The following ZNF839 variants were observed in gnomAD, a reference collection of about 807,000 sequenced individuals.
The protein encoded by ZNF839 is renal carcinoma antigen NY-REN-50.
In ZNF839, 38 loss-of-function variants were observed where a neutral mutation model predicts 56.4. The ratio of observed to expected loss-of-function variants is 0.67; its 90% CI spans 0.52 to 0.88. The LOEUF is 0.88. Ranked by LOEUF, ZNF839 falls within the 40% of genes least tolerant of loss-of-function variation. The probability of loss-of-function intolerance (pLI) is 0.00; values close to 1 mark genes in which losing one functional copy is unlikely to be tolerated. For missense variants in ZNF839, 1,091 were observed against 1,177.6 expected (o/e 0.93, Z 1.08); for synonymous variants, 486 against 493.5 (o/e 0.98, Z 0.20).
chr14:102,319,677 G>A, upstream of ZNF839: 1 of 1,210,748 alleles, frequency 8.3e-7, no homozygotes, highest in Non-Finnish European at 1.0e-6. This position sits in a 1 kb window ranked among gnomAD's most constrained non-coding sequence, Gnocchi z 4.5. Flanking sequence ...TGGCCTGCGA[G>A]GCACTCGTAG....
At chr14:102,321,520 A>T (rs556277254) in intron 1 of ZNF839, among the ~76,000 whole-genome samples, 1 of 152,354 alleles carries the variant, frequency 6.6e-6, no homozygotes, top group East Asian at 1.9e-4. Context: ...AATGGAGACG[A>T]TATAAATTCT....
In ZNF839 at chr14:102,331,793, C is replaced by A; in HGVS notation, c.1363C>A (p.Pro455Thr). The change falls in exon 3 of 8, where the codon CCT becomes ACT. Residue 455 changes from proline (P) to threonine (T), a missense_variant. Pro to Thr is a conservative substitution (Grantham distance 38). Transcript: ENST00000442396. ...QRRAAQLPGGPAAAGEQRASP... is the reference protein window; with the variant it reads ...QRRAAQLPGGTAAAGEQRASP... ...AAGAGCTGCTCAGCTACCTGGTGGC[C>A]CTGCTGCGGCAGGGGAGCAGAGGGC... is the stretch of plus-strand genomic sequence containing the variant. The A allele has an allele frequency of 6.3e-7, 1 of 1,594,456 alleles. No homozygotes were observed.
chr14:102,338,694 C>T, intron 5 of ZNF839, 122 bp from the exon 6 acceptor site: 1 of 1,365,004 alleles, frequency 7.3e-7, no homozygotes, highest in South Asian at 1.4e-5. Flanking sequence ...TGGCATCTCA[C>T]AGTAGGTGAG....
chr14:102,338,647 A>G (rs562948803), intron 5 of ZNF839, among the ~76,000 whole-genome samples, 169 bp from the exon 6 acceptor site: 8 of 151,994 alleles, frequency 5.3e-5, no homozygotes, highest in African/African-American at 1.9e-4. Flanking sequence ...TAGTCCATCT[A>G]ACATTATATT....
In ZNF839 at chr14:102,332,314, T is replaced by C. The variant is rs896009748; in HGVS notation, c.1416+468T>C. 6.6e-6 allele frequency among the ~76,000 whole-genome samples: 1 copy of C among 151,950 alleles called. No individual in the cohort carries two copies. Among genetic ancestry groups the C allele is most frequent in the Non-Finnish European group, 1.5e-5 (1 of 67,990 alleles). On this transcript the variant is annotated intron_variant, in intron 3 of 7. Coordinates refer to ENST00000442396, the MANE Select transcript of ZNF839 (RefSeq NM_018335.6). The surrounding 1 kb of genome is among the most constrained non-coding windows in gnomAD (Gnocchi z 4.9). ...CACACCCAGCTAATTTTTGTATTTT[T>C]AGTAGAAATAGGGTCTCACCTTGTT...
rs767660489 is a variant in ZNF839 at position 102,342,168 on chromosome 14, TG to T, written c.2776del (p.Ala926ProfsTer?). 7.5e-6 allele frequency: 12 copies of T among 1,606,410 alleles called. No homozygotes were observed. Among genetic ancestry groups the T allele is most frequent in the African/African-American group, 1.3e-5 (1 of 74,758 alleles). On this transcript the variant is annotated frameshift_variant, in exon 8 of 8. Transcript: ENST00000442396. LOFTEE classifies it high-confidence loss of function. Reference protein sequence around the residue: ...VTDAEGRACGWAR With the variant: ...VTDAEGRACGXAR ...TGATGCAGAGGGGCGTGCCTGCGGA[TG>T]GGCCCGCTAGAAGGAGTTCCTCTAG...
chr14:102,319,613 G>A (rs1238308980), upstream of ZNF839: 2 of 1,121,272 alleles, frequency 1.8e-6, no homozygotes, highest in East Asian at 3.4e-5. The surrounding 1 kb of genome is among the most constrained non-coding windows in gnomAD (Gnocchi z 4.5). Context: ...TGTCGGCTGG[G>A]GCGGGGCACT....
intron 7 of ZNF839, chr14:102,341,064 A>C: frequency 5.2e-6 from 1 of 191,528 alleles, no homozygotes; most frequent in Non-Finnish European, 8.9e-6. Context: ...GCGAGACTCC[A>C]TCTCAAAAAA....
At chr14:102,321,131 A>G (rs751067839) in intron 1 of ZNF839, among the ~76,000 whole-genome samples, 27 of 152,210 alleles carry the variant, frequency 1.8e-4, no homozygotes, top group Non-Finnish European at 1.8e-4. Context: ...CACTATCACT[A>G]TCTAGAGGTG....
At chr14:102,321,357 C>T (rs930501815) in intron 1 of ZNF839, among the ~76,000 whole-genome samples, 2 of 152,206 alleles carry the variant, frequency 1.3e-5, no homozygotes, top group Admixed American at 1.3e-4. Context: ...GGTGTGGCTG[C>T]TCTCCCTAGC....
intron 2 of ZNF839, among the ~76,000 whole-genome samples, chr14:102,327,977 C>G (rs925505265): frequency 4.6e-5 from 7 of 152,088 alleles, no homozygotes; most frequent in African/African-American, 1.4e-4. Context: ...GTCCTCTCCC[C>G]CTTCTGCTGC....
At chr14:102,330,327 G>A (rs1399213304) in intron 2 of ZNF839, among the ~76,000 whole-genome samples, 6 of 151,706 alleles carry the variant, frequency 4.0e-5, no homozygotes, top group Non-Finnish European at 7.4e-5. Flanking sequence ...CTGCCTCCTG[G>A]GTTCAAGGGA....
intron 5 of ZNF839, 133 bp downstream of exon 5, chr14:102,335,971 G>C (rs1261431992): frequency 2.9e-6 from 3 of 1,034,492 alleles, no homozygotes; most frequent in Admixed American, 5.5e-5. Flanking sequence ...TTGAGGTCAG[G>C]AGTTTGAGAC....
chr14:102,331,412 C>T (rs1213540991), intron 2 of ZNF839: 1 of 509,360 alleles, frequency 2.0e-6, no homozygotes, highest in East Asian at 3.5e-5. Flanking sequence ...CCGCGCCTGG[C>T]TAATTTTTTG....
chr14:102,329,408 T>G (rs1026207284), intron 2 of ZNF839, among the ~76,000 whole-genome samples: 1 of 152,108 alleles, frequency 6.6e-6, no homozygotes, highest in Non-Finnish European at 1.5e-5. Context: ...ATTTATTTTT[T>G]CAGTCTGACT....
At chr14:102,318,961 C>T (rs552881374), upstream of ZNF839, among the ~76,000 whole-genome samples, 62 of 152,318 alleles carry the variant, frequency 4.1e-4, no homozygotes, top group African/African-American at 1.2e-3. Flanking sequence ...GGACCTCCTG[C>T]TCTCCCTGGG....
Position 102,335,853 on chromosome 14 carries a change from T to C in ZNF839, c.1659+15T>C. On this transcript the variant is annotated intron_variant, in intron 5 of 7. Transcript: ENST00000442396. ...ACAATGATAAGGTAACAATCTCCCA[T>C]GGCAGAAAGAGTTTTGCTCATAGAG... The C allele has an allele frequency of 6.2e-7, 1 of 1,608,268 alleles. No individual in the cohort carries two copies. Among genetic ancestry groups the C allele is most frequent in the African/African-American group, 1.3e-5 (1 of 74,924 alleles).
At chr14:102,334,879 A>T (rs2073947473) in intron 4 of ZNF839, 2 of 202,692 alleles carry the variant, frequency 9.9e-6, no homozygotes, top group East Asian at 2.2e-4. Context: ...AGTAGCTGGG[A>T]CTACAGGCAT....
At chr14:102,335,549 C>T in intron 4 of ZNF839, 140 bp from the exon 5 acceptor site, 1 of 782,838 alleles carries the variant, frequency 1.3e-6, no homozygotes, top group Non-Finnish European at 2.0e-6. Flanking sequence ...AGTAGGTGCT[C>T]ACTGGGGACT....
Sources: gnomAD v4.1 joint callset for allele counts (sites outside exome capture counted in the v4.1 genomes callset) on GRCh38, gnomAD v4.1.1 for gene constraint, Gnocchi (gnomAD v3.1) non-coding constraint, MANE v1.5 for transcripts, NCBI Gene and HGNC (gene_info 2026-07-23, HGNC 2026-07-21) for gene names.